SH2D3C: variants seen among roughly 807,000 people sequenced by gnomAD.
SH2D3C encodes SH2 domain-containing protein 3C.
SH2D3C carries 25 observed loss-of-function variants against 75.2 expected under a neutral mutation model. The observed-to-expected ratio is 0.33, with a 90% CI of 0.24 to 0.46. The LOEUF (loss-of-function observed/expected upper bound fraction) is 0.46, where lower values mean the gene tolerates loss of function less well. Among genes scored for constraint, SH2D3C ranks in the 20% least tolerant of loss-of-function variants. The pLI is 1.00. For missense variants in SH2D3C, 933 were observed against 1,165.3 expected (o/e 0.80, Z 2.90); for synonymous variants, 450 against 473.7 (o/e 0.95, Z 0.65).
Position 127,738,342 on chromosome 9 carries a change from T to C in SH2D3C, c.*404A>G, listed in dbSNP as rs1844747807. On this transcript the variant is annotated 3_prime_UTR_variant, in exon 12 of 12. Coordinates refer to ENST00000314830, the MANE Select transcript of SH2D3C (RefSeq NM_170600.3). This position sits in a 1 kb window ranked among gnomAD's most constrained non-coding sequence, Gnocchi z 5.0. ...TAAAGAGTCATAAAAGTTTATTATA[T>C]GAAAGAAATAACATGGCTTCTGTAC... 1 of 157,110 alleles carries C rather than the reference T, an allele frequency of 6.4e-6. No homozygotes were observed. Among genetic ancestry groups the C allele is most frequent in the African/African-American group, 2.4e-5 (1 of 41,630 alleles). The allele number at this position is 157,110 out of a possible 1,614,324, so 9.7% of individuals were successfully genotyped here.
chr9:127,748,722 G>A (rs371486055), intron 5 of SH2D3C, among the ~76,000 whole-genome samples: 11 of 152,186 alleles, frequency 7.2e-5, no homozygotes, highest in South Asian at 2.1e-4. Context: ...TTTTAGCCCC[G>A]GAGACAACCA....
In SH2D3C at chr9:127,754,603, T is replaced by G. The variant is rs938368681; in HGVS notation, c.556-3303A>C. 6.6e-6 allele frequency among the ~76,000 whole-genome samples: 1 copy of G among 151,492 alleles called. No homozygotes were observed. Among genetic ancestry groups the G allele is most frequent in the African/African-American group, 2.4e-5 (1 of 41,148 alleles). On this transcript the variant is annotated intron_variant, in intron 3 of 11. Transcript: ENST00000314830. The surrounding 1 kb of genome is among the most constrained non-coding windows in gnomAD (Gnocchi z 4.4). ...CAAGCCCACCTAGAGGGCGGGAGGG[T>G]GGCGGGCGCTCTGGCCCCAACCCTG...
At position 127,761,656 on chromosome 9, in the gene SH2D3C, A is replaced by G. The variant is rs1037555808; in HGVS notation, c.516-6T>C. 1 of 1,610,670 alleles carries G rather than the reference A, an allele frequency of 6.2e-7. No individual in the cohort carries two copies. The highest frequency in any genetic ancestry group is 8.5e-7 in the Non-Finnish European group (1 of 1,178,264). ...CCTCTGGCTCTCCAGCAGCCCTGGAAGGAGAAAAGACAAGTGAGCATCCCC... is the reference window on the plus strand; with the variant it reads ...CCTCTGGCTCTCCAGCAGCCCTGGAGGGAGAAAAGACAAGTGAGCATCCCC... On this transcript the variant is annotated splice_region_variant and splice_polypyrimidine_tract_variant and intron_variant, in intron 2 of 11. Coordinates refer to ENST00000314830, the MANE Select transcript of SH2D3C (RefSeq NM_170600.3).
chr9:127,772,836 CTTT>C (rs564249856), intron 2 of SH2D3C, among the ~76,000 whole-genome samples: 1 of 143,412 alleles, frequency 7.0e-6, no homozygotes, highest in Non-Finnish European at 1.5e-5. Context: ...ATAATTGAAT[CTTT>C]TTTTTTTTTT....
chr9:127,762,294 C>G (rs1473595991), intron 2 of SH2D3C: 82 of 1,280,402 alleles, frequency 6.4e-5, no homozygotes, highest in Non-Finnish European at 8.1e-5. Context: ...TGAGGGCCAC[C>G]GTGAACCACT....
In SH2D3C at chr9:127,774,824, TCATGCCTGTAATCC is replaced by T. The variant is rs1845786661; in HGVS notation, c.38-371_38-358del. 6.6e-6 allele frequency among the ~76,000 whole-genome samples: 1 copy of T among 152,230 alleles called. No individual in the cohort carries two copies. Among genetic ancestry groups the T allele is most frequent in the Non-Finnish European group, 1.5e-5 (1 of 68,036 alleles). ...AAAAGCTTAGGCCAGGCGTGGTGGC[TCATGCCTGTAATCC>T]CAGCACTTTGGGAGGCCGAGGCGGG... is the stretch of plus-strand genomic sequence containing the variant. On this transcript the variant is annotated intron_variant, in intron 1 of 11. Coordinates refer to ENST00000314830, the MANE Select transcript of SH2D3C (RefSeq NM_170600.3). This position sits in a 1 kb window ranked among gnomAD's most constrained non-coding sequence, Gnocchi z 4.3.
intron 2 of SH2D3C, among the ~76,000 whole-genome samples, chr9:127,768,764 C>T (rs1484151806): frequency 6.6e-6 from 1 of 151,514 alleles, no homozygotes; most frequent in Non-Finnish European, 1.5e-5. Context: ...TCCATCCCAG[C>T]CTCCCAGCCC....
chr9:127,745,349 G>A (rs1844997104), intron 6 of SH2D3C, among the ~76,000 whole-genome samples: 1 of 152,020 alleles, frequency 6.6e-6, no homozygotes, highest in East Asian at 1.9e-4. Flanking sequence ...CAGCCTTGGG[G>A]ACCCACTGCT....
intron 6 of SH2D3C, among the ~76,000 whole-genome samples, chr9:127,745,639 C>CTT (rs890148260): frequency 6.7e-6 from 1 of 150,304 alleles, no homozygotes; most frequent in Non-Finnish European, 1.5e-5. Flanking sequence ...GCCTGGCTAA[C>CTT]TTTTTTTTGA....
intron 2 of SH2D3C, among the ~76,000 whole-genome samples, chr9:127,768,465 G>A (rs981800280): frequency 6.6e-6 from 1 of 152,046 alleles, no homozygotes; most frequent in African/African-American, 2.4e-5. Context: ...AGGACACTCA[G>A]ATGAGGCACT....
chr9:127,739,566 G>A lies in SH2D3C; in HGVS notation c.2407+116C>T. On this transcript the variant is annotated intron_variant, in intron 11 of 11. Coordinates refer to ENST00000314830, the MANE Select transcript of SH2D3C (RefSeq NM_170600.3). This position sits in a 1 kb window ranked among gnomAD's most constrained non-coding sequence, Gnocchi z 4.3. Reference sequence around the variant, plus strand: ...TGAGAGGAAGGGGTCAGGGAGACAGGGCAGGACAGAGGAGTGGAGAAATGT... The same window carrying A: ...TGAGAGGAAGGGGTCAGGGAGACAGAGCAGGACAGAGGAGTGGAGAAATGT... 1 of 888,032 alleles carries A rather than the reference G, an allele frequency of 1.1e-6. No homozygotes were observed. The highest frequency in any genetic ancestry group is 1.7e-6 in the Non-Finnish European group (1 of 578,066). 55.0% of individuals were successfully genotyped at this position (888,032 alleles called of 1,614,324 possible).
intron 5 of SH2D3C, among the ~76,000 whole-genome samples, chr9:127,747,684 G>A (rs1845074867): frequency 6.6e-6 from 1 of 151,984 alleles, no homozygotes; most frequent in African/African-American, 2.4e-5. Context: ...GATTACAGGT[G>A]CCCGTTACCA....
intron 6 of SH2D3C, 72 bp from the exon 7 acceptor site, chr9:127,745,171 C>A: frequency 7.7e-7 from 1 of 1,291,126 alleles, no homozygotes; most frequent in Non-Finnish European, 1.0e-6. Context: ...CACCCCTTCC[C>A]AAAGAACAGG....
chr9:127,770,479 G>A (rs1253760782), intron 2 of SH2D3C, among the ~76,000 whole-genome samples: 3 of 152,176 alleles, frequency 2.0e-5, no homozygotes, highest in African/African-American at 4.8e-5. Context: ...AATGGGGCAG[G>A]GCTAGTCTGA....
intron 2 of SH2D3C, among the ~76,000 whole-genome samples, chr9:127,769,485 A>C (rs1845692980): frequency 6.7e-6 from 1 of 149,020 alleles, no homozygotes; most frequent in African/African-American, 2.5e-5. Context: ...TCTACTAAAA[A>C]CACACACACA....
At chr9:127,755,203 T>C in intron 3 of SH2D3C, 1 of 1,123,224 alleles carries the variant, frequency 8.9e-7, no homozygotes. Flanking sequence ...GGGGGGGCGG[T>C]GGCCGGCGGG....
chr9:127,773,816 G>A (rs1031703058), intron 2 of SH2D3C, among the ~76,000 whole-genome samples, 174 bp downstream of exon 2: 1 of 151,938 alleles, frequency 6.6e-6, no homozygotes, highest in African/African-American at 2.4e-5. Flanking sequence ...TACTCGGGGG[G>A]CTGAGGTAGG....
At position 127,749,510 on chromosome 9, in the gene SH2D3C, G is replaced by A; in HGVS notation, c.840C>T (p.His280=). The part of the protein sequence containing the change: ...VVVKAGESYT[H]IQYLFEQESF... ...TCTCCTGCTCAAACAGGTACTGGAT[G>A]TGTGTGTAGCTCTCGCCTGCCTTCA... is the stretch of plus-strand genomic sequence containing the variant. Residue 280 remains histidine (H), a synonymous_variant, in exon 5 of 12, where the codon CAC becomes CAT. Transcript: ENST00000314830. The surrounding 1 kb of genome is among the most constrained non-coding windows in gnomAD (Gnocchi z 5.9). 6.2e-7 allele frequency: 1 copy of A among 1,614,178 alleles called. No homozygotes were observed. The highest frequency in any genetic ancestry group is 1.6e-4 in the Middle Eastern group (1 of 6,062).
At chr9:127,767,352 T>C in intron 2 of SH2D3C, 2 of 1,426,328 alleles carry the variant, frequency 1.4e-6, no homozygotes, top group Middle Eastern at 2.6e-4. Flanking sequence ...AGCCCCATTT[T>C]ACAGGGGAGA....
Sources: allele counts gnomAD v4.1 joint callset (sites outside exome capture counted in the v4.1 genomes callset), GRCh38; gene constraint gnomAD v4.1.1; non-coding constraint Gnocchi (gnomAD v3.1); transcripts MANE v1.5; gene names NCBI Gene and HGNC (gene_info 2026-07-23, HGNC 2026-07-21).